ASIC2: variants seen among roughly 807,000 people sequenced by gnomAD.
ASIC2 encodes the protein acid sensing ion channel subunit 2.
In ASIC2, 25 loss-of-function variants were observed where a neutral mutation model predicts 57.3. The observed-to-expected ratio is 0.44, with a 90% CI of 0.32 to 0.61. ASIC2 has a LOEUF of 0.61. Ranked by LOEUF, ASIC2 falls within the 20% of genes least tolerant of loss-of-function variation. The pLI is 0.06. For synonymous variants in ASIC2, 319 were observed against 307.5 expected, an observed-to-expected ratio of 1.04 and a Z score of -0.39; for missense variants, 641 against 738.1, an observed-to-expected ratio of 0.87 and a Z score of 1.52.
chr17:33,216,232 G>A (rs1172937394), intron 1 of ASIC2, among the ~76,000 whole-genome samples: 2 of 152,108 alleles, frequency 1.3e-5, no homozygotes, highest in African/African-American at 4.8e-5. Flanking sequence ...TTATTAGGTC[G>A]GCGCATCAAC....
chr17:33,491,311 T>TGCTG (rs1567629118), intron 1 of ASIC2, among the ~76,000 whole-genome samples: 1 of 152,144 alleles, frequency 6.6e-6, no homozygotes, highest in Non-Finnish European at 1.5e-5. Flanking sequence ...TCTAACATGA[T>TGCTG]GCTGGGCACC....
At chr17:34,148,346 C>T (rs7218031) in intron 1 of ASIC2, among the ~76,000 whole-genome samples, 7,408 of 152,126 alleles carry the variant, frequency 0.049, 584 homozygotes, top group African/African-American at 0.17. Context: ...CCTGAAAGCA[C>T]GACTTCCAGA....
chr17:33,313,534 G>A (rs1038443375), intron 1 of ASIC2, among the ~76,000 whole-genome samples: 1 of 150,314 alleles, frequency 6.7e-6, no homozygotes, highest in Admixed American at 6.6e-5. Context: ...ATAAATGTTT[G>A]TCTTTTTCAT....
intron 1 of ASIC2, among the ~76,000 whole-genome samples, chr17:33,524,492 AG>A (rs1439784471): frequency 5.9e-5 from 9 of 152,230 alleles, no homozygotes; most frequent in African/African-American, 2.2e-4. Flanking sequence ...AAAACAAGAA[AG>A]GTGGTCTTTT....
At chr17:33,854,379 T>C (rs1913859736) in intron 1 of ASIC2, among the ~76,000 whole-genome samples, 1 of 152,212 alleles carries the variant, frequency 6.6e-6, no homozygotes, top group Non-Finnish European at 1.5e-5. Flanking sequence ...TGTGATTTCT[T>C]TCTGTACCCA....
chr17:33,489,631 A>G (rs1913688191), intron 1 of ASIC2, among the ~76,000 whole-genome samples: 1 of 152,194 alleles, frequency 6.6e-6, no homozygotes, highest in Non-Finnish European at 1.5e-5. Flanking sequence ...CACTTCCTCT[A>G]ATAAAAGGGA....
rs143339806 is a variant in ASIC2, at chr17:34,022,969, C to T, written c.555+133009G>A. Among the ~76,000 whole-genome samples, 514 of 152,138 alleles carry T rather than the reference C, an allele frequency of 3.4e-3. 1 individual carries two copies. Among genetic ancestry groups the T allele is most frequent in the African/African-American group, 0.012 (479 of 41,490 alleles). ...CTGGTTGTTTAAAAGTGTGTGGCAC[C>T]TCCCCTTTCTCTCTCTTATTCCTTC... On this transcript the variant is annotated intron_variant, in intron 1 of 9. Transcript: ENST00000359872.
intron 1 of ASIC2, among the ~76,000 whole-genome samples, chr17:33,724,835 TACAC>T (rs10685018): frequency 6.6e-6 from 1 of 150,708 alleles, no homozygotes; most frequent in East Asian, 1.9e-4. Flanking sequence ...CCCCAACACA[TACAC>T]ACACACACAC....
At chr17:33,723,284 T>C (rs1909442423) in intron 1 of ASIC2, among the ~76,000 whole-genome samples, 1 of 152,328 alleles carries the variant, frequency 6.6e-6, no homozygotes, top group East Asian at 1.9e-4. Flanking sequence ...GATGATTTCA[T>C]TCCAAACACT....
chr17:33,220,814 T>TGGGGGG (rs1907661431), intron 1 of ASIC2, among the ~76,000 whole-genome samples: 2 of 152,102 alleles, frequency 1.3e-5, no homozygotes, highest in African/African-American at 4.8e-5. Flanking sequence ...ATACCTGTAA[T>TGGGGGG]CCCAGTACTT....
At chr17:33,652,923 G>A (rs1452632324) in intron 1 of ASIC2, among the ~76,000 whole-genome samples, 1 of 152,208 alleles carries the variant, frequency 6.6e-6, no homozygotes, top group Non-Finnish European at 1.5e-5. Flanking sequence ...ACTTGGCCTG[G>A]TAAAGCTGAA....
intron 1 of ASIC2, among the ~76,000 whole-genome samples, chr17:33,444,551 T>C (rs960372599): frequency 6.6e-6 from 1 of 152,166 alleles, no homozygotes; most frequent in Admixed American, 6.5e-5. Flanking sequence ...AGCCGCCATT[T>C]CCATGAATAG....
intron 1 of ASIC2, among the ~76,000 whole-genome samples, chr17:33,642,697 T>G (rs1035182533): frequency 3.3e-5 from 5 of 152,204 alleles, no homozygotes; most frequent in African/African-American, 1.2e-4. Context: ...CTCTGAGCCT[T>G]GCAAGTATTG....
chr17:33,205,313 A>G (rs1184559148), intron 1 of ASIC2, among the ~76,000 whole-genome samples: 1 of 152,214 alleles, frequency 6.6e-6, no homozygotes, highest in African/African-American at 2.4e-5. Context: ...GCCTCTGGAA[A>G]TGCTGCCAGC....
intron 1 of ASIC2, among the ~76,000 whole-genome samples, chr17:34,149,007 T>C (rs1182798881): frequency 6.6e-6 from 1 of 152,162 alleles, no homozygotes; most frequent in Non-Finnish European, 1.5e-5. Flanking sequence ...CATGGCTGAA[T>C]AGGAGTACTC....
chr17:33,608,763 C>A (rs1431793552), intron 1 of ASIC2, among the ~76,000 whole-genome samples: 1 of 152,194 alleles, frequency 6.6e-6, no homozygotes, highest in Non-Finnish European at 1.5e-5. Flanking sequence ...TAATAGGATA[C>A]AGAGCCCTTC....
chr17:33,776,441 T>C (rs1230756479), intron 1 of ASIC2, among the ~76,000 whole-genome samples: 1 of 152,176 alleles, frequency 6.6e-6, no homozygotes, highest in Non-Finnish European at 1.5e-5. Flanking sequence ...GAATGATTGG[T>C]TGTTTATAAG....
chr17:33,291,908 G>T lies in ASIC2; in HGVS notation c.208C>A (p.Arg70=). 6.3e-7 allele frequency: 1 copy of T among 1,594,074 alleles called. No homozygotes were observed. Among genetic ancestry groups the T allele is most frequent in the African/African-American group, 1.3e-5 (1 of 74,658 alleles). Residue 70 remains arginine, a synonymous_variant, in exon 1 of 10, where the codon CGG becomes AGG. Transcript: ENST00000225823. ...SLSRAKLHGL[R]HMCAGRTAAG... ...GCCGTGCGCCCGGCACACATGTGCC[G>T]CAGCCCGTGCAGTTTAGCGCGGCTC...
intron 1 of ASIC2, among the ~76,000 whole-genome samples, chr17:33,421,932 G>A (rs1911058909): frequency 6.6e-6 from 1 of 152,170 alleles, no homozygotes; most frequent in Non-Finnish European, 1.5e-5. Context: ...AGCACACGTT[G>A]CTTCCTAACA....
Sources: gnomAD v4.1 joint callset for allele counts (sites outside exome capture counted in the v4.1 genomes callset) on GRCh38, gnomAD v4.1.1 for gene constraint, MANE v1.5 for transcripts, NCBI Gene and HGNC (gene_info 2026-07-23, HGNC 2026-07-21) for gene names.